The following SLC25A21 variants were observed in gnomAD, a reference collection of about 807,000 sequenced individuals.
The protein encoded by SLC25A21 is mitochondrial 2-oxodicarboxylate carrier.
Under a neutral mutation model 43.8 loss-of-function variants are expected in SLC25A21, and 47 were observed. The ratio of observed to expected loss-of-function variants is 1.07; its 90% confidence interval spans 0.85 to 1.37. SLC25A21 has a LOEUF of 1.37. Ranked by LOEUF, SLC25A21 falls within the 40% of genes most tolerant of loss-of-function variation. The pLI, the probability that SLC25A21 is intolerant of heterozygous loss-of-function variation, is 0.00. For synonymous variants in SLC25A21, 131 were observed against 121.3 expected, an observed-to-expected ratio of 1.08 and a Z score of -0.52; for missense variants, 352 against 350.2, an observed-to-expected ratio of 1.00 and a Z score of -0.04.
chr14:36,932,401 C>A (rs2138638127), intron 1 of SLC25A21, among the ~76,000 whole-genome samples: 1 of 152,222 alleles, frequency 6.6e-6, no homozygotes, highest in South Asian at 2.1e-4. Context: ...CCTATTTAAG[C>A]ACTTCCTGCT....
intron 1 of SLC25A21, among the ~76,000 whole-genome samples, chr14:36,977,486 C>T (rs911443454): frequency 5.9e-5 from 9 of 152,076 alleles, no homozygotes; most frequent in African/African-American, 1.4e-4. Context: ...AAAAATGAAA[C>T]ACTAATGCTG....
chr14:36,793,921 A>C (rs1400833333), intron 3 of SLC25A21, among the ~76,000 whole-genome samples: 1 of 44,580 alleles, frequency 2.2e-5, no homozygotes, highest in African/African-American at 1.1e-4. Context: ...GCAGATCAGG[A>C]AAAAAAAAAA....
At chr14:37,072,718 T>G (rs529984062) in intron 1 of SLC25A21, among the ~76,000 whole-genome samples, 2 of 152,046 alleles carry the variant, frequency 1.3e-5, no homozygotes, top group East Asian at 3.9e-4. Flanking sequence ...TACTCCAGCC[T>G]GGGCGGAGCA....
chr14:36,680,361 A>C lies in SLC25A21; in HGVS notation c.*297T>G, dbSNP rs2139131667. 1.9e-6 allele frequency: 2 copies of C among 1,033,304 alleles called. No homozygotes were observed. The highest frequency in any genetic ancestry group is 9.1e-5 in the South Asian group (2 of 21,872). 64.0% of individuals were successfully genotyped at this position (1,033,304 alleles called of 1,614,324 possible). A position where few individuals can be genotyped will look rare whatever the true frequency, so the allele number is the denominator to read the frequency against. On this transcript the variant is annotated 3_prime_UTR_variant, in exon 10 of 10. Coordinates refer to ENST00000331299, the MANE Select transcript of SLC25A21 (RefSeq NM_030631.4). Reference sequence around the variant, plus strand: ...GAAGCATTGAAGAGGAACACAGGAGACAAAGTTTCTATTTATTTTATGAAA... The same window carrying C: ...GAAGCATTGAAGAGGAACACAGGAGCCAAAGTTTCTATTTATTTTATGAAA...
At chr14:37,169,604 C>CAG (rs1964087905) in intron 1 of SLC25A21, among the ~76,000 whole-genome samples, 1 of 151,250 alleles carries the variant, frequency 6.6e-6, no homozygotes, top group Non-Finnish European at 1.5e-5. Flanking sequence ...CACACACACA[C>CAG]ACAGAAGTGT....
At chr14:36,876,298 C>T (rs1026596930) in intron 1 of SLC25A21, among the ~76,000 whole-genome samples, 4 of 152,162 alleles carry the variant, frequency 2.6e-5, no homozygotes, top group African/African-American at 7.2e-5. Flanking sequence ...TCTGCAGAAG[C>T]CTTAGGAAGT....
At chr14:36,821,290 C>T (rs2138460974) in intron 2 of SLC25A21, among the ~76,000 whole-genome samples, 2 of 152,038 alleles carry the variant, frequency 1.3e-5, no homozygotes, top group African/African-American at 4.8e-5. Context: ...CTGTGCCTTT[C>T]TCATCCCTCC....
At chr14:36,864,170 T>C (rs555272058) in intron 2 of SLC25A21, among the ~76,000 whole-genome samples, 115 of 152,304 alleles carry the variant, frequency 7.6e-4, no homozygotes, top group Non-Finnish European at 1.5e-3. Context: ...ATTCCTAGGT[T>C]ATATTAGTCA....
At chr14:36,820,446 C>T (rs989999149) in intron 2 of SLC25A21, among the ~76,000 whole-genome samples, 1 of 152,082 alleles carries the variant, frequency 6.6e-6, no homozygotes, top group African/African-American at 2.4e-5. Context: ...CAGTTTATGC[C>T]ACAATGCACT....
At chr14:36,867,790 C>CGTGT (rs10606711) in intron 2 of SLC25A21, among the ~76,000 whole-genome samples, 1,866 of 146,202 alleles carry the variant, frequency 0.013, 35 homozygotes, top group African/African-American at 0.043. Context: ...ACCATGCTTT[C>CGTGT]GTGTGTGTGT....
chr14:36,841,398 C>G (rs140360320), intron 2 of SLC25A21, among the ~76,000 whole-genome samples: 2 of 152,284 alleles, frequency 1.3e-5, no homozygotes, highest in East Asian at 3.9e-4. Context: ...GTACACAGTC[C>G]TCCAGAATTC....
intron 1 of SLC25A21, among the ~76,000 whole-genome samples, chr14:36,959,606 C>A (rs548839477): frequency 3.3e-5 from 5 of 151,958 alleles, no homozygotes; most frequent in African/African-American, 1.2e-4. Flanking sequence ...GTCTGAGACA[C>A]CAAAGGGAAA....
intron 2 of SLC25A21, among the ~76,000 whole-genome samples, chr14:36,861,512 A>T (rs1890064895): frequency 6.6e-6 from 1 of 152,208 alleles, no homozygotes; most frequent in Non-Finnish European, 1.5e-5. Flanking sequence ...CTCACGCTGC[A>T]GGGAGAGCCC....
At chr14:36,826,193 G>T (rs531491721) in intron 2 of SLC25A21, among the ~76,000 whole-genome samples, 1 of 152,270 alleles carries the variant, frequency 6.6e-6, no homozygotes, top group Non-Finnish European at 1.5e-5. Context: ...TCCCAGGTTT[G>T]TCTTATTCTT....
chr14:37,146,187 G>A (rs1594816494), intron 1 of SLC25A21, among the ~76,000 whole-genome samples: 1 of 152,014 alleles, frequency 6.6e-6, no homozygotes, highest in Non-Finnish European at 1.5e-5. Context: ...CTATTCATTC[G>A]ACAAATGTTT....
intron 3 of SLC25A21, 112 bp from the exon 4 acceptor site, chr14:36,734,685 T>G: frequency 1.4e-6 from 1 of 719,680 alleles, no homozygotes. Flanking sequence ...AGCACACCAA[T>G]CATGAAGTCT....
chr14:36,797,864 C>T (rs1266539010), intron 3 of SLC25A21, among the ~76,000 whole-genome samples: 1 of 152,162 alleles, frequency 6.6e-6, no homozygotes, highest in Non-Finnish European at 1.5e-5. Context: ...CCCCAATAAA[C>T]ATTAGATTAT....
chr14:36,979,276 T>A (rs1959956512), intron 1 of SLC25A21, among the ~76,000 whole-genome samples: 1 of 151,594 alleles, frequency 6.6e-6, no homozygotes, highest in African/African-American at 2.4e-5. Context: ...CAGTAAAAAA[T>A]TAATATGGAA....
intron 2 of SLC25A21, among the ~76,000 whole-genome samples, chr14:36,840,628 G>A (rs112628599): frequency 3.3e-5 from 5 of 152,140 alleles, no homozygotes; most frequent in Non-Finnish European, 7.3e-5. Context: ...TGATAACATC[G>A]ATTTCCTTAG....
Sources: gnomAD v4.1 joint callset for allele counts (sites outside exome capture counted in the v4.1 genomes callset) on GRCh38, gnomAD v4.1.1 for gene constraint, MANE v1.5 for transcripts, NCBI Gene and HGNC (gene_info 2026-07-23, HGNC 2026-07-21) for gene names.